The following HMG20A variants were observed in gnomAD, a reference collection of about 807,000 sequenced individuals.
The protein encoded by HMG20A is high mobility group 20A.
Under a neutral mutation model 43.9 loss-of-function variants are expected in HMG20A, and 17 were observed. That is an observed-to-expected ratio of 0.39 (90% CI 0.27 to 0.58). The LOEUF (loss-of-function observed/expected upper bound fraction) is 0.58, where lower values mean the gene tolerates loss of function less well. Ranked by LOEUF, HMG20A falls within the 20% of genes least tolerant of loss-of-function variation. The pLI, the probability that HMG20A is intolerant of heterozygous loss-of-function variation, is 0.59. For missense variants in HMG20A, 341 were observed against 438.2 expected (o/e 0.78, Z 1.98); for synonymous variants, 132 against 147.5 (o/e 0.89, Z 0.76).
chr15:77,429,286 A>G (rs539824929), intron 1 of HMG20A, among the ~76,000 whole-genome samples: 54 of 151,984 alleles, frequency 3.6e-4, no homozygotes, highest in South Asian at 1.5e-3. Flanking sequence ...GGCGCTAGTG[A>G]GCTCATGCAA....
At chr15:77,505,381 A>C in the HMG20A span, among the ~76,000 whole-genome samples, 58,911 of 152,064 alleles carry the variant, frequency 0.39, 11,614 homozygotes, top group African/African-American at 0.44. Context: ...CAGTCAGGGG[A>C]CTCAGGATGG....
chr15:77,477,547 A>G lies in HMG20A; in HGVS notation c.616-8A>G. The stretch of plus-strand genomic sequence containing the variant: ...AGAATTAACTGTTTTGTTCCTCTTG[A>G]TTCACAGAAAGAAACAGAGGTAAAG... On this transcript the variant is annotated splice_polypyrimidine_tract_variant and splice_region_variant and intron_variant, in intron 6 of 9. Transcript: ENST00000336216. 2 of 1,594,946 alleles carry G rather than the reference A, an allele frequency of 1.3e-6. No homozygotes were observed. Among genetic ancestry groups the G allele is most frequent in the Non-Finnish European group, 1.7e-6 (2 of 1,163,844 alleles).
chr15:77,478,165 T>G, intron 7 of HMG20A, 130 bp from the exon 8 acceptor site: 6 of 778,016 alleles, frequency 7.7e-6, no homozygotes, highest in Non-Finnish European at 1.3e-5. Context: ...AATGCCATAA[T>G]GAGAATAGGG....
chr15:77,443,708 T>TATA (rs1365699561), intron 1 of HMG20A, among the ~76,000 whole-genome samples: 1 of 151,172 alleles, frequency 6.6e-6, no homozygotes, highest in Admixed American at 6.6e-5. Context: ...TGTATTTATT[T>TATA]ATTATTATTA....
chr15:77,447,052 G>A (rs139413180), intron 1 of HMG20A, among the ~76,000 whole-genome samples: 264 of 152,234 alleles, frequency 1.7e-3, no homozygotes, highest in Non-Finnish European at 3.3e-3. Context: ...GTACACCCAT[G>A]TCCCAGGAAA....
intron 3 of HMG20A, 127 bp downstream of exon 3, chr15:77,464,514 T>A: frequency 1.2e-6 from 1 of 822,210 alleles, no homozygotes; most frequent in Non-Finnish European, 1.9e-6. Context: ...CTGCAAAATT[T>A]TGTTTTCTAT....
At chr15:77,421,054 A>G in intron 1 of HMG20A, 50 bp downstream of exon 1, 1 of 397,572 alleles carries the variant, frequency 2.5e-6, no homozygotes, top group South Asian at 1.3e-4. Flanking sequence ...GATGCCCTTC[A>G]CCCCTTGAAG....
At chr15:77,501,940 T>G in the HMG20A span, among the ~76,000 whole-genome samples, 10 of 152,350 alleles carry the variant, frequency 6.6e-5, no homozygotes, top group African/African-American at 2.2e-4. Context: ...CCTGGCATGA[T>G]CTGGCCCCAG....
the HMG20A span, among the ~76,000 whole-genome samples, chr15:77,499,711 A>C: frequency 5.2e-3 from 789 of 152,186 alleles, 7 homozygotes; most frequent in African/African-American, 0.018. Context: ...TTCTAACTAG[A>C]CTTAGTATAG....
At chr15:77,482,788 C>A (rs1422843057) in intron 9 of HMG20A, 182 bp from the exon 10 acceptor site, 1 of 152,098 alleles carries the variant, frequency 6.6e-6, no homozygotes, top group Non-Finnish European at 1.5e-5. Context: ...AATGAGGTTG[C>A]CTGCTTACAG....
At chr15:77,432,418 A>G (rs2073495061) in intron 1 of HMG20A, among the ~76,000 whole-genome samples, 2 of 152,142 alleles carry the variant, frequency 1.3e-5, no homozygotes, top group South Asian at 4.1e-4. Context: ...ATAGAAATCA[A>G]TGAAATAGAA....
chr15:77,422,345 TG>T (rs1177197574), intron 1 of HMG20A, among the ~76,000 whole-genome samples: 4 of 152,162 alleles, frequency 2.6e-5, no homozygotes, highest in Non-Finnish European at 4.4e-5. Context: ...TTTAAAAAGC[TG>T]TTTGGTCACG....
chr15:77,496,913 T>C, the HMG20A span, among the ~76,000 whole-genome samples: 1 of 152,192 alleles, frequency 6.6e-6, no homozygotes, highest in African/African-American at 2.4e-5. Context: ...TCCCTGGCCT[T>C]ATTTCGCAAG....
intron 1 of HMG20A, among the ~76,000 whole-genome samples, chr15:77,431,469 T>C (rs1372216686): frequency 6.6e-6 from 1 of 152,296 alleles, no homozygotes; most frequent in East Asian, 1.9e-4. Flanking sequence ...GCCTTGGCCT[T>C]CCAAAGTGCT....
intron 2 of HMG20A, among the ~76,000 whole-genome samples, chr15:77,459,737 C>T (rs1004980707): frequency 1.3e-5 from 2 of 152,122 alleles, no homozygotes; most frequent in Non-Finnish European, 2.9e-5. Flanking sequence ...CACATAGCAG[C>T]AGGAGAGGCA....
chr15:77,434,023 G>T (rs904282931), intron 1 of HMG20A, among the ~76,000 whole-genome samples: 2 of 152,180 alleles, frequency 1.3e-5, no homozygotes, highest in Non-Finnish European at 2.9e-5. Context: ...TGTGGTAATG[G>T]CGCAAGGATA....
At chr15:77,476,094 A>G (rs1353429147) in intron 6 of HMG20A, among the ~76,000 whole-genome samples, 2 of 152,168 alleles carry the variant, frequency 1.3e-5, no homozygotes, top group African/African-American at 4.8e-5. Flanking sequence ...ACCGTTATGA[A>G]TACAGGAGCT....
Position 77,479,339 on chromosome 15 carries a change from A to G in HMG20A, c.*6+18A>G. The G allele has an allele frequency of 6.2e-7, 1 of 1,609,556 alleles. No homozygotes were observed. The highest frequency in any genetic ancestry group is 8.5e-7 in the Non-Finnish European group (1 of 1,177,806). On this transcript the variant is annotated intron_variant, in intron 9 of 9. Transcript: ENST00000336216. ...AGGGAATGGTGAGTGCTCACTGATA[A>G]ATATTTATATGCCAGCACATCATCA...
intron 1 of HMG20A, among the ~76,000 whole-genome samples, chr15:77,435,885 G>A (rs2073542182): frequency 6.7e-6 from 1 of 150,022 alleles, no homozygotes; most frequent in South Asian, 2.1e-4. Flanking sequence ...CTCTGTTCAT[G>A]TCCTTTTTGC....
Sources: gnomAD v4.1 joint callset for allele counts (sites outside exome capture counted in the v4.1 genomes callset) on GRCh38, gnomAD v4.1.1 for gene constraint, MANE v1.5 for transcripts, NCBI Gene and HGNC (gene_info 2026-07-23, HGNC 2026-07-21) for gene names.